The following MAP4 variants were observed in gnomAD, a reference collection of about 807,000 sequenced individuals.
MAP4 encodes microtubule-associated protein 4.
In MAP4, 76 loss-of-function variants were observed where a neutral mutation model predicts 170.2. The observed-to-expected ratio is 0.45, with a 90% CI of 0.37 to 0.54. The LOEUF (loss-of-function observed/expected upper bound fraction) is 0.54, where lower values mean the gene tolerates loss of function less well. Ranked by LOEUF, MAP4 falls within the 20% of genes least tolerant of loss-of-function variation. MAP4 has a pLI of 0.00. For synonymous variants in MAP4, 909 were observed against 994.5 expected (o/e 0.91, Z 1.62); for missense variants, 2,506 against 2,748.0 (o/e 0.91, Z 1.97).
At chr3:47,876,410 C>A (rs1027902642) in intron 11 of MAP4, among the ~76,000 whole-genome samples, 1 of 152,078 alleles carries the variant, frequency 6.6e-6, no homozygotes, top group Admixed American at 6.6e-5. Context: ...GGATTACAGG[C>A]GTGAGCCACC....
rs762777779 is a variant in MAP4, at chr3:47,909,591, C to G, written c.4830G>C (p.Glu1610Asp). The G allele has an allele frequency of 6.2e-7, 1 of 1,613,164 alleles. No homozygotes were observed. The highest frequency in any genetic ancestry group is 8.5e-7 in the Non-Finnish European group (1 of 1,179,886). ...GNFPAHPVNE[E>D]KETKEGSVAV... ...CAACAGACCCTTCTTTAGTCTCTTT[C>G]TCTTCATTCACTGGATGTGCTGGGA... Residue 1610 changes from glutamate to aspartate, a missense_variant, in exon 9 of 21, where the codon GAG becomes GAC. Physicochemically the swap from Glu to Asp is conservative, Grantham distance 45. Coordinates refer to ENST00000683076, the MANE Select transcript of MAP4 (RefSeq NM_001385682.1).
chr3:48,077,279 T>A (rs1248954380), intron 1 of MAP4, among the ~76,000 whole-genome samples: 1 of 151,792 alleles, frequency 6.6e-6, no homozygotes, highest in African/African-American at 2.4e-5. Flanking sequence ...CCCACTCTAC[T>A]AAAAATACAA....
At chr3:47,907,431 C>T (rs2100033727) in intron 9 of MAP4, among the ~76,000 whole-genome samples, 2 of 151,844 alleles carry the variant, frequency 1.3e-5, no homozygotes, top group African/African-American at 4.8e-5. Flanking sequence ...TTTTTTTTAA[C>T]TATTAAAAAG....
At chr3:47,863,920 G>T (rs916876570) in intron 17 of MAP4, among the ~76,000 whole-genome samples, 1 of 132,196 alleles carries the variant, frequency 7.6e-6, no homozygotes, top group Non-Finnish European at 1.6e-5. Context: ...GTGTGGGTGT[G>T]GGTGTGTGTG....
intron 2 of MAP4, among the ~76,000 whole-genome samples, chr3:47,984,846 G>A (rs898393852): frequency 6.6e-6 from 1 of 152,032 alleles, no homozygotes; most frequent in Admixed American, 6.5e-5. Flanking sequence ...GCACGCACCT[G>A]TAATCCCAGC....
Position 48,033,200 on chromosome 3 carries a change from T to A in MAP4, c.-19-34321A>T, listed in dbSNP as rs2100117065. Among the ~76,000 whole-genome samples the A allele has an allele frequency of 1.3e-5, 2 of 152,230 alleles. 1 individual carries two copies. The highest frequency in any genetic ancestry group is 1.3e-4 in the Admixed American group (2 of 15,278). On this transcript the variant is annotated intron_variant, in intron 1 of 18. Coordinates refer to the MAP4 transcript ENST00000360240. ...CAAGGGGAAAAGGTAGGAGGTATTATCATTCTGATCATCATTTCCTCTGCT... is the reference window on the plus strand; with the variant it reads ...CAAGGGGAAAAGGTAGGAGGTATTAACATTCTGATCATCATTTCCTCTGCT...
intron 4 of MAP4, among the ~76,000 whole-genome samples, chr3:47,924,789 C>CA (rs2100044867): frequency 6.6e-6 from 1 of 151,516 alleles, no homozygotes; most frequent in Non-Finnish European, 1.5e-5. Context: ...TTAGTAAACA[C>CA]AGAGTGATCA....
intron 9 of MAP4, among the ~76,000 whole-genome samples, chr3:47,904,310 C>CTAT (rs762967251): frequency 5.9e-5 from 9 of 151,772 alleles, no homozygotes; most frequent in Non-Finnish European, 1.0e-4. Context: ...GTGGTAGGTG[C>CTAT]TATTATTATT....
chr3:47,985,556 T>A (rs1463196586), intron 2 of MAP4, among the ~76,000 whole-genome samples: 1 of 152,206 alleles, frequency 6.6e-6, no homozygotes, highest in Non-Finnish European at 1.5e-5. Context: ...CATCATGTGC[T>A]TCCTGATGTG....
At chr3:47,862,476 T>A (rs1017790921) in intron 17 of MAP4, among the ~76,000 whole-genome samples, 32 of 152,008 alleles carry the variant, frequency 2.1e-4, no homozygotes, top group Admixed American at 1.2e-3. Flanking sequence ...ATGGATCAAT[T>A]TTTTCCTTTT....
chr3:47,899,050 T>C (rs1029775057), intron 10 of MAP4, among the ~76,000 whole-genome samples: 1 of 152,198 alleles, frequency 6.6e-6, no homozygotes, highest in African/African-American at 2.4e-5. Flanking sequence ...CAATCAGGGA[T>C]GCAGATTTAT....
chr3:47,999,889 T>C (rs1204635486), intron 1 of MAP4, among the ~76,000 whole-genome samples: 5 of 148,760 alleles, frequency 3.4e-5, no homozygotes, highest in African/African-American at 7.4e-5. Context: ...CATAGGTGAA[T>C]AGCCTAGAAA....
chr3:47,861,192 C>A (rs1406537552), intron 17 of MAP4, among the ~76,000 whole-genome samples: 4 of 152,084 alleles, frequency 2.6e-5, no homozygotes, highest in African/African-American at 9.7e-5. Context: ...AAAACCCCAT[C>A]TCTACAAAAA....
At chr3:47,989,858 G>C (rs2100091058) in intron 2 of MAP4, among the ~76,000 whole-genome samples, 1 of 151,798 alleles carries the variant, frequency 6.6e-6, no homozygotes, top group Non-Finnish European at 1.5e-5. Flanking sequence ...TTCATGAAAT[G>C]AAAACTTTCT....
rs755899122 is a variant in MAP4 at position 47,871,049 on chromosome 3, G to C, written c.6058C>G (p.Leu2020Val). 2 of 1,612,874 alleles carry C rather than the reference G, an allele frequency of 1.2e-6. No homozygotes were observed. Among genetic ancestry groups the C allele is most frequent in the Non-Finnish European group, 1.7e-6 (2 of 1,179,118 alleles). ...STSSMKKTTT[L>V]SGTAPAAGVV... The stretch of plus-strand genomic sequence containing the variant: ...CCTGCAGCGGGGGCTGTCCCACTGA[G>C]AGTGGTGGTTTTCTTCATGGAACTG... Residue 2020 changes from leucine (L) to valine (V), a missense_variant, in exon 15 of 21, where the codon CTC becomes GTC. By Grantham distance (32) the Leu-to-Val change is conservative. Transcript: ENST00000683076.
intron 10 of MAP4, among the ~76,000 whole-genome samples, chr3:47,901,271 G>A (rs1249442096): frequency 6.6e-6 from 1 of 152,096 alleles, no homozygotes; most frequent in Non-Finnish European, 1.5e-5. Context: ...TTTCCACCCT[G>A]GAATCTCTGA....
chr3:47,905,214 A>G (rs1429209888), intron 9 of MAP4, among the ~76,000 whole-genome samples: 4 of 152,198 alleles, frequency 2.6e-5, no homozygotes, highest in Non-Finnish European at 5.9e-5. Flanking sequence ...TCCCTACGAT[A>G]AGCTAGAAAC....
At chr3:47,972,030 C>G (rs771208614) in intron 3 of MAP4, among the ~76,000 whole-genome samples, 1 of 152,170 alleles carries the variant, frequency 6.6e-6, no homozygotes, top group Non-Finnish European at 1.5e-5. Flanking sequence ...AACCTGAGAA[C>G]AGATTACTGA....
At chr3:47,957,209 C>T (rs2100068356) in intron 3 of MAP4, among the ~76,000 whole-genome samples, 1 of 152,174 alleles carries the variant, frequency 6.6e-6, no homozygotes, top group African/African-American at 2.4e-5. Flanking sequence ...CCTCTGTCGC[C>T]CAGTCTGGAG....
Sources: allele counts gnomAD v4.1 joint callset (sites outside exome capture counted in the v4.1 genomes callset), GRCh38; gene constraint gnomAD v4.1.1; transcripts MANE v1.5; gene names NCBI Gene and HGNC (gene_info 2026-07-23, HGNC 2026-07-21).